The following CNTN5 variants were observed in gnomAD, a reference collection of about 807,000 sequenced individuals.
The protein encoded by CNTN5 is contactin-5.
In CNTN5, 77 loss-of-function variants were observed where a neutral mutation model predicts 129.1. That is an observed-to-expected ratio of 0.60 (90% CI 0.50 to 0.72). The LOEUF is 0.72. Ranked by LOEUF, CNTN5 falls within the 30% of genes least tolerant of loss-of-function variation. The pLI is 0.00. For missense variants in CNTN5, 1,478 were observed against 1,328.8 expected, an observed-to-expected ratio of 1.11 and a Z score of -1.75; for synonymous variants, 509 against 465.6, an observed-to-expected ratio of 1.09 and a Z score of -1.20.
At chr11:100,080,929 A>T (rs1944339990) in intron 13 of CNTN5, among the ~76,000 whole-genome samples, 1 of 152,184 alleles carries the variant, frequency 6.6e-6, no homozygotes, top group Non-Finnish European at 1.5e-5. Context: ...TGAATTTATA[A>T]GATTTAGTAA....
intron 3 of CNTN5, among the ~76,000 whole-genome samples, chr11:99,683,215 C>G (rs895979973): frequency 4.0e-5 from 6 of 151,646 alleles, no homozygotes; most frequent in African/African-American, 1.5e-4. Context: ...CAGAAATCTC[C>G]CTTCACCGCA....
intron 5 of CNTN5, 31 bp from the exon 6 acceptor site, chr11:99,845,056 A>G (rs200128799): frequency 3.3e-5 from 54 of 1,612,032 alleles, no homozygotes; most frequent in Admixed American, 1.3e-4. Context: ...AGGGAGGATT[A>G]TACATATTTG....
At chr11:99,477,496 A>G (rs1410643392) in intron 2 of CNTN5, among the ~76,000 whole-genome samples, 2 of 152,002 alleles carry the variant, frequency 1.3e-5, no homozygotes, top group African/African-American at 2.4e-5. Flanking sequence ...CTAACCCTAA[A>G]TAGTAATAAA....
At chr11:100,105,815 C>T (rs1230105360) in intron 13 of CNTN5, among the ~76,000 whole-genome samples, 3 of 151,198 alleles carry the variant, frequency 2.0e-5, no homozygotes, top group East Asian at 4.0e-4. Flanking sequence ...AGGCAGTGCC[C>T]AAGGCTCCAT....
chr11:99,400,642 T>G (rs996457647), intron 2 of CNTN5, among the ~76,000 whole-genome samples: 1 of 152,118 alleles, frequency 6.6e-6, no homozygotes, highest in Non-Finnish European at 1.5e-5. Context: ...TTTAGTCTTT[T>G]GAGGACCCTC....
chr11:99,290,752 A>G (rs1272765869), intron 1 of CNTN5, among the ~76,000 whole-genome samples: 1 of 151,830 alleles, frequency 6.6e-6, no homozygotes, highest in Non-Finnish European at 1.5e-5. Context: ...GTATACTACG[A>G]AGATTCTTGT....
At chr11:100,278,687 G>A (rs1950568958) in intron 18 of CNTN5, among the ~76,000 whole-genome samples, 1 of 151,952 alleles carries the variant, frequency 6.6e-6, no homozygotes, top group South Asian at 2.1e-4. Flanking sequence ...TTGTTCATCA[G>A]TTCTAATTGT....
intron 6 of CNTN5, among the ~76,000 whole-genome samples, chr11:99,851,780 T>G (rs1407688691): frequency 3.3e-5 from 5 of 152,236 alleles, no homozygotes; most frequent in Admixed American, 1.3e-4. Flanking sequence ...TTTGAGAGAT[T>G]ATATGACTTT....
chr11:99,127,169 G>A (rs748573272), intron 1 of CNTN5, among the ~76,000 whole-genome samples: 1 of 152,048 alleles, frequency 6.6e-6, no homozygotes. Context: ...ACCCATTATA[G>A]CCTACTTGCT....
intron 18 of CNTN5, among the ~76,000 whole-genome samples, chr11:100,279,528 G>A (rs1005230867): frequency 6.6e-6 from 1 of 151,474 alleles, no homozygotes; most frequent in Non-Finnish European, 1.5e-5. Context: ...TTTATTCATA[G>A]TTCAATCTTG....
intron 3 of CNTN5, among the ~76,000 whole-genome samples, chr11:99,693,179 CTG>C (rs936986832): frequency 1.3e-5 from 2 of 152,048 alleles, no homozygotes; most frequent in African/African-American, 2.4e-5. Context: ...ACATTAAAAA[CTG>C]AGTACATGTG....
At chr11:99,424,824 TG>T (rs1464696645) in intron 2 of CNTN5, among the ~76,000 whole-genome samples, 1 of 152,210 alleles carries the variant, frequency 6.6e-6, no homozygotes, top group Non-Finnish European at 1.5e-5. Flanking sequence ...GGCCATTCAA[TG>T]GGTCCTGAGT....
intron 1 of CNTN5, among the ~76,000 whole-genome samples, chr11:99,249,871 T>C (rs936033891): frequency 7.2e-5 from 11 of 151,986 alleles, no homozygotes; most frequent in African/African-American, 2.4e-4. Flanking sequence ...GCTCCATAAA[T>C]AATAATCCAC....
chr11:99,306,544 T>C (rs901299306), intron 1 of CNTN5, among the ~76,000 whole-genome samples: 2 of 152,000 alleles, frequency 1.3e-5, no homozygotes, highest in Admixed American at 6.6e-5. Flanking sequence ...GTTTCAGAGT[T>C]TGAATTGTTA....
At chr11:100,046,246 C>A (rs953700981) in intron 9 of CNTN5, among the ~76,000 whole-genome samples, 2 of 152,064 alleles carry the variant, frequency 1.3e-5, no homozygotes, top group African/African-American at 4.8e-5. Context: ...GATGTAATAT[C>A]TGATTAATAG....
chr11:99,819,622 T>A lies in CNTN5; in HGVS notation c.134T>A (p.Leu45His), dbSNP rs1481107852. The A allele has an allele frequency of 1.2e-6, 2 of 1,613,076 alleles. No homozygotes were observed. The highest frequency in any genetic ancestry group is 1.7e-6 in the Non-Finnish European group (2 of 1,179,826). ...LRIKKSSSSSLFGSKTRPRYS... is the reference protein window; with the variant it reads ...LRIKKSSSSSHFGSKTRPRYS... ...ATTAAGAAGAGTTCATCTTCATCTC[T>A]CTTTGGTTCCAAAACCAGACCACGA... Residue 45 changes from leucine (L) to histidine (H), a missense_variant, in exon 4 of 25, where the codon CTC (leucine) becomes CAC (histidine). Physicochemically the swap from Leu to His is moderately conservative, Grantham distance 99. Coordinates refer to ENST00000524871, the MANE Select transcript of CNTN5 (RefSeq NM_014361.4).
intron 1 of CNTN5, among the ~76,000 whole-genome samples, chr11:99,105,070 A>G (rs1866931895): frequency 6.6e-6 from 1 of 152,144 alleles, no homozygotes; most frequent in African/African-American, 2.4e-5. Flanking sequence ...TCACTAAAAG[A>G]AGTTTAGCAT....
rs371730599 is a variant in CNTN5, at chr11:99,755,630, T to C, written c.56-63914T>C. ...TGGATGACAGTTCCTTTGTAAGATA[T>C]GTTTTTGCAAATATTTTCTTCCAGT... On this transcript the variant is annotated intron_variant, in intron 3 of 24. Transcript: ENST00000524871. 4.6e-5 allele frequency among the ~76,000 whole-genome samples: 7 copies of C among 152,116 alleles called. No individual in the cohort carries two copies. The East Asian group carries it at 1.2e-3, about 25-fold the overall frequency.
At chr11:99,354,598 A>T (rs1283022632) in intron 2 of CNTN5, among the ~76,000 whole-genome samples, 1 of 152,186 alleles carries the variant, frequency 6.6e-6, no homozygotes, top group East Asian at 1.9e-4. Context: ...CATACCCCGT[A>T]ATCAGTGCTA....
Sources: allele counts gnomAD v4.1 joint callset (sites outside exome capture counted in the v4.1 genomes callset), GRCh38; gene constraint gnomAD v4.1.1; transcripts MANE v1.5; gene names NCBI Gene and HGNC (gene_info 2026-07-23, HGNC 2026-07-21).